Variants in PSD2 observed in about 807,000 individuals in gnomAD.
PSD2 encodes the protein PH and SEC7 domain-containing protein 2.
In PSD2, 38 loss-of-function variants were observed where a neutral mutation model predicts 69.8. The observed-to-expected ratio is 0.54, with a 90% CI of 0.42 to 0.71. The LOEUF (loss-of-function observed/expected upper bound fraction) is 0.71, where lower values mean the gene tolerates loss of function less well. Ranked by LOEUF, PSD2 falls within the 30% of genes least tolerant of loss-of-function variation. The probability of loss-of-function intolerance (pLI) is 0.00; values close to 1 mark genes in which losing one functional copy is unlikely to be tolerated. For missense variants in PSD2, 943 were observed against 1,014.5 expected, an observed-to-expected ratio of 0.93 and a Z score of 0.96; for synonymous variants, 412 against 423.0, an observed-to-expected ratio of 0.97 and a Z score of 0.32.
the PSD2 span, among the ~76,000 whole-genome samples, chr5:139,789,790 C>T: frequency 6.6e-6 from 1 of 151,996 alleles, no homozygotes; most frequent in African/African-American, 2.4e-5. Context: ...AGACCATTCC[C>T]AGAAAGGACA....
intron 7 of PSD2, among the ~76,000 whole-genome samples, chr5:139,825,622 G>A (rs1760397021): frequency 6.6e-6 from 1 of 151,214 alleles, no homozygotes; most frequent in South Asian, 2.1e-4. Flanking sequence ...GAGCAAGGGT[G>A]GCTTTGGCAT....
chr5:139,743,327 G>A, the PSD2 span, among the ~76,000 whole-genome samples: 3 of 152,210 alleles, frequency 2.0e-5, no homozygotes, highest in African/African-American at 7.2e-5. Context: ...CACTGACCCT[G>A]GAGGGTTACT....
intron 4 of PSD2, 79 bp from the exon 5 acceptor site, chr5:139,817,401 TG>T (rs1167543127): frequency 1.5e-6 from 2 of 1,324,816 alleles, no homozygotes; most frequent in Non-Finnish European, 2.2e-6. Flanking sequence ...CCGGGTACCC[TG>T]GGCCCAAGTA....
intron 7 of PSD2, among the ~76,000 whole-genome samples, chr5:139,830,626 C>T (rs143989365): frequency 6.1e-4 from 60 of 97,672 alleles, no homozygotes; most frequent in African/African-American, 1.6e-3. Context: ...TTCTTTCTTT[C>T]TCTTTCTTTC....
At chr5:139,832,549 C>T (rs1276513488) in intron 7 of PSD2, among the ~76,000 whole-genome samples, 1 of 152,192 alleles carries the variant, frequency 6.6e-6, no homozygotes, top group African/African-American at 2.4e-5. Flanking sequence ...GACATGGAAT[C>T]CTCTCCTTGG....
chr5:139,814,346 C>T lies in PSD2; in HGVS notation c.998C>T (p.Ala333Val). 1 of 1,602,824 alleles carries T rather than the reference C, an allele frequency of 6.2e-7. No homozygotes were observed. Residue 333 changes from alanine to valine, a missense_variant, in exon 4 of 15, where the codon GCC becomes GTC. Ala to Val is a moderately conservative substitution (Grantham distance 64). This residue lies in a region of PSD2 where 466 missense variants were observed against 445.0 expected (regional missense o/e 1.05). Transcript: ENST00000274710. The surrounding 1 kb of genome is among the most constrained non-coding windows in gnomAD (Gnocchi z 4.4). ...HLEGFQRCDVARQLGKNNEFS... is the reference protein window; with the variant it reads ...HLEGFQRCDVVRQLGKNNEFS... ...GAGGGCTTCCAGCGCTGTGATGTGG[C>T]CCGGCAGCTGGGCAAGAAGTGAGTG... is the stretch of plus-strand genomic sequence containing the variant.
chr5:139,756,796 A>G, the PSD2 span, among the ~76,000 whole-genome samples: 1 of 152,186 alleles, frequency 6.6e-6, no homozygotes, highest in South Asian at 2.1e-4. Context: ...GCTAGAGGCT[A>G]TGCCCTGACT....
chr5:139,773,123 C>T, the PSD2 span, among the ~76,000 whole-genome samples: 4 of 152,160 alleles, frequency 2.6e-5, no homozygotes, highest in South Asian at 2.1e-4. Context: ...ATTGTGCAAC[C>T]GTCACCACCA....
chr5:139,800,727 C>T (rs1333920183), intron 1 of PSD2, among the ~76,000 whole-genome samples: 2 of 152,216 alleles, frequency 1.3e-5, no homozygotes, highest in Admixed American at 1.3e-4. Flanking sequence ...CTGCTTTCTT[C>T]TGTATCTGTG....
chr5:139,813,672 T>C lies in PSD2; in HGVS notation c.735T>C (p.Asn245=), dbSNP rs141898079. ...GCCTGTCTCTCATGGCCATGCCCAA[T>C]GGATTCCATGAAGATGGCCCTCAGG... The part of the protein sequence containing the change: ...LSRLSLMAMP[N]GFHEDGPQGP... Residue 245 remains asparagine (N), a synonymous_variant, in exon 3 of 15, where the codon AAT becomes AAC. Coordinates refer to ENST00000274710, the MANE Select transcript of PSD2 (RefSeq NM_032289.4). 3.0e-3 allele frequency: 4,895 copies of C among 1,613,814 alleles called. 14 individuals carry two copies. Among genetic ancestry groups the C allele is most frequent in the Non-Finnish European group, 3.7e-3 (4,366 of 1,179,952 alleles).
chr5:139,743,476 G>A, the PSD2 span, among the ~76,000 whole-genome samples: 34 of 152,164 alleles, frequency 2.2e-4, no homozygotes, highest in African/African-American at 8.2e-4. Flanking sequence ...GTTGGTGTGA[G>A]GAGGTGAGAG....
intron 9 of PSD2, among the ~76,000 whole-genome samples, chr5:139,836,104 G>T (rs2126966346): frequency 6.6e-6 from 1 of 152,354 alleles, no homozygotes; most frequent in East Asian, 1.9e-4. Context: ...CAGACAGGAG[G>T]CATGAGGCCT....
intron 1 of PSD2, among the ~76,000 whole-genome samples, chr5:139,805,716 G>A (rs1197708087): frequency 2.0e-5 from 3 of 152,092 alleles, no homozygotes; most frequent in Non-Finnish European, 4.4e-5. Context: ...TCTAGGCCAC[G>A]GGTATAGCTG....
the PSD2 span, among the ~76,000 whole-genome samples, chr5:139,763,981 CAG>C: frequency 6.6e-6 from 1 of 152,176 alleles, no homozygotes; most frequent in East Asian, 1.9e-4. Flanking sequence ...TTGGGAAGTC[CAG>C]CTCTGCCTCA....
upstream of PSD2, among the ~76,000 whole-genome samples, chr5:139,794,032 G>C (rs1759465040): frequency 6.6e-6 from 1 of 152,226 alleles, no homozygotes; most frequent in South Asian, 2.1e-4. Context: ...AGGTAGCAGA[G>C]GGCAGGGGGG....
upstream of PSD2, among the ~76,000 whole-genome samples, chr5:139,792,513 G>A (rs563779961): frequency 3.3e-5 from 5 of 152,234 alleles, no homozygotes; most frequent in East Asian, 9.7e-4. Flanking sequence ...CCATGTGCAA[G>A]GGTCTTTGGT....
the PSD2 span, among the ~76,000 whole-genome samples, chr5:139,780,681 T>C: frequency 6.6e-6 from 1 of 152,206 alleles, no homozygotes; most frequent in Non-Finnish European, 1.5e-5. Context: ...TGGTCTCAAA[T>C]GATCCACCAG....
the PSD2 span, among the ~76,000 whole-genome samples, chr5:139,749,959 A>C: frequency 6.6e-6 from 1 of 151,674 alleles, no homozygotes; most frequent in Non-Finnish European, 1.5e-5. Context: ...TGAACCCAGG[A>C]GGTTGAGGCA....
chr5:139,766,859 C>CTTTCTT, the PSD2 span, among the ~76,000 whole-genome samples: 4 of 149,744 alleles, frequency 2.7e-5, no homozygotes, highest in Admixed American at 2.7e-4. Flanking sequence ...TTCTTTCTTT[C>CTTTCTT]TTTCTTTCTT....
Sources: allele counts gnomAD v4.1 joint callset (sites outside exome capture counted in the v4.1 genomes callset), GRCh38; gene constraint gnomAD v4.1.1; regional missense constraint gnomAD v4.1.1; non-coding constraint Gnocchi (gnomAD v3.1); transcripts MANE v1.5; gene names NCBI Gene and HGNC (gene_info 2026-07-23, HGNC 2026-07-21).